Variants in ATP10D observed in about 807,000 individuals in gnomAD.
The protein encoded by ATP10D is ATPase phospholipid transporting 10D (putative), also known as phospholipid-transporting ATPase VD.
Under a neutral mutation model 144.8 loss-of-function variants are expected in ATP10D, and 89 were observed. The observed-to-expected ratio is 0.61, with a 90% CI of 0.52 to 0.73. The LOEUF (loss-of-function observed/expected upper bound fraction) is 0.73, where lower values mean the gene tolerates loss of function less well. Among genes scored for constraint, ATP10D ranks in the 30% least tolerant of loss-of-function variants. ATP10D has a pLI of 0.00. For missense variants in ATP10D, 1,603 were observed against 1,714.8 expected (o/e 0.93, Z 1.15); for synonymous variants, 571 against 615.1 (o/e 0.93, Z 1.06).
At chr4:47,588,650 G>A (rs1410376639) in intron 22 of ATP10D, among the ~76,000 whole-genome samples, 2 of 152,130 alleles carry the variant, frequency 1.3e-5, no homozygotes, top group African/African-American at 4.8e-5. Flanking sequence ...GCTGATGAAT[G>A]TCTCTTCCAG....
rs115208313 is a variant in ATP10D at position 47,578,737 on chromosome 4, C to G, written c.3568-1661C>G. Among the ~76,000 whole-genome samples the G allele has an allele frequency of 5.6e-3, 858 of 152,170 alleles. 10 individuals are homozygous for G. The highest frequency in any genetic ancestry group is 0.02 in the African/African-American group (816 of 41,502). ...CTGCTGAGATTTTATGGAAGAAAGGCAGGCAGAATATCCTTCATATCCAAT... is the reference window on the plus strand; with the variant it reads ...CTGCTGAGATTTTATGGAAGAAAGGGAGGCAGAATATCCTTCATATCCAAT... On this transcript the variant is annotated intron_variant, in intron 19 of 22. Transcript: ENST00000273859.
At chr4:47,580,585 A>C in intron 20 of ATP10D, 107 bp downstream of exon 20, 1 of 971,582 alleles carries the variant, frequency 1.0e-6, no homozygotes. Context: ...TCATATAATC[A>C]GGTTGATTAT....
In ATP10D at chr4:47,591,396, G is replaced by A; in HGVS notation, c.*15G>A. The stretch of plus-strand genomic sequence containing the variant: ...AAGAAAGCTAGATACCCTCCTTGGA[G>A]TTGCAAGTATTCTTTCAAGGTTGGA... On this transcript the variant is annotated 3_prime_UTR_variant, in exon 23 of 23. Coordinates refer to ENST00000273859, the MANE Select transcript of ATP10D (RefSeq NM_020453.4). The A allele has an allele frequency of 6.4e-7, 1 of 1,555,708 alleles. No homozygotes were observed. The highest frequency in any genetic ancestry group is 1.2e-5 in the South Asian group (1 of 82,572).
At chr4:47,573,355 G>A (rs866398695) in intron 18 of ATP10D, among the ~76,000 whole-genome samples, 5 of 152,176 alleles carry the variant, frequency 3.3e-5, no homozygotes, top group South Asian at 2.1e-4. Context: ...GTTTGCATCC[G>A]TTTTACTGGA....
In ATP10D at chr4:47,563,769, C is replaced by A. The variant is rs755816230; in HGVS notation, c.2853+4C>A. The stretch of plus-strand genomic sequence containing the variant: ...TATCCTCAATACCCAAAGTAAAGTG[C>A]GTATATTGAGATTAAATCTGTTCTT... On this transcript the variant is annotated splice_donor_region_variant and intron_variant, in intron 15 of 22. Transcript: ENST00000273859. The A allele has an allele frequency of 2.5e-6, 4 of 1,576,902 alleles. No individual in the cohort carries two copies. The South Asian group carries it at 3.5e-5, about 14-fold the overall frequency.
At chr4:47,589,270 C>T (rs1350421787) in intron 22 of ATP10D, among the ~76,000 whole-genome samples, 1 of 152,110 alleles carries the variant, frequency 6.6e-6, no homozygotes, top group Non-Finnish European at 1.5e-5. Context: ...GCCTTGAAAA[C>T]ATTGAGAGAA....
chr4:47,560,517 CAA>C (rs1007699335), intron 13 of ATP10D, among the ~76,000 whole-genome samples: 3 of 151,834 alleles, frequency 2.0e-5, no homozygotes, highest in Non-Finnish European at 4.4e-5. Context: ...AACAAACAAA[CAA>C]AAAAAACATC....
At chr4:47,536,233 T>C (rs978772013) in intron 7 of ATP10D, among the ~76,000 whole-genome samples, 200 bp downstream of exon 7, 2 of 152,040 alleles carry the variant, frequency 1.3e-5, no homozygotes, top group African/African-American at 2.4e-5. Flanking sequence ...GCCATAGTAC[T>C]GAAGAAACCT....
At chr4:47,564,145 G>T (rs1030073562) in intron 15 of ATP10D, among the ~76,000 whole-genome samples, 42 of 152,126 alleles carry the variant, frequency 2.8e-4, no homozygotes, top group Non-Finnish European at 4.7e-4. Flanking sequence ...GCCAGCTTTG[G>T]CCTCCCAAAG....
chr4:47,546,741 A>G lies in ATP10D; in HGVS notation c.1514A>G (p.His505Arg), dbSNP rs762862117. 6.2e-7 allele frequency: 1 copy of G among 1,614,182 alleles called. No individual in the cohort carries two copies. The highest frequency in any genetic ancestry group is 8.5e-7 in the Non-Finnish European group (1 of 1,180,006). Residue 505 changes from histidine to arginine, a missense_variant, in exon 10 of 23, where the codon CAT (histidine) becomes CGT (arginine). Transcript: ENST00000273859. ...AGAGCCCCCAGCTGCAGGACAGTTC[A>G]TAATGGGCCTTTGGGAAATAAGCCC... Reference protein sequence around the residue: ...KPRAPSCRTVHNGPLGNKPSN... With the variant: ...KPRAPSCRTVRNGPLGNKPSN...
intron 1 of ATP10D, among the ~76,000 whole-genome samples, chr4:47,488,480 C>T (rs991792114): frequency 2.0e-5 from 3 of 151,776 alleles, no homozygotes; most frequent in African/African-American, 7.3e-5. Flanking sequence ...AAAATGTATT[C>T]CTAGGTGGTA....
intron 1 of ATP10D, among the ~76,000 whole-genome samples, chr4:47,509,939 C>T (rs1000613685): frequency 8.9e-6 from 1 of 112,434 alleles, no homozygotes; most frequent in African/African-American, 3.7e-5. Context: ...ACTTTTGTTT[C>T]AGGGGTGTGT....
intron 7 of ATP10D, among the ~76,000 whole-genome samples, 167 bp downstream of exon 7, chr4:47,536,200 T>C (rs1003359939): frequency 2.6e-5 from 4 of 152,164 alleles, no homozygotes; most frequent in Admixed American, 1.3e-4. Flanking sequence ...AATATTAATA[T>C]TGACTCTATC....
intron 1 of ATP10D, among the ~76,000 whole-genome samples, chr4:47,490,216 C>T (rs1034774062): frequency 2.6e-5 from 4 of 152,256 alleles, no homozygotes; most frequent in Admixed American, 2.0e-4. Context: ...TATAACATCT[C>T]TTCTTCTTTA....
At chr4:47,582,261 A>G (rs1468725426) in intron 21 of ATP10D, among the ~76,000 whole-genome samples, 197 bp downstream of exon 21, 5 of 152,096 alleles carry the variant, frequency 3.3e-5, no homozygotes, top group Admixed American at 1.3e-4. Context: ...ATAGTGGAAA[A>G]CACCTGCCTT....
Position 47,563,738 on chromosome 4 carries a change from G to A in ATP10D, c.2826G>A (p.Lys942=). Reference sequence around the variant, plus strand: ...GCAAACTACTGGAGCCAGATGACAAGCTTTTTATCCTCAATACCCAAAGTA... The same window carrying A: ...GCAAACTACTGGAGCCAGATGACAAACTTTTTATCCTCAATACCCAAAGTA... ...YACKLLEPDD[K]LFILNTQSKD... Residue 942 remains lysine (K), a synonymous_variant, in exon 15 of 23, where the codon AAG becomes AAA. Transcript: ENST00000273859. 6.2e-7 allele frequency: 1 copy of A among 1,610,174 alleles called. No individual in the cohort carries two copies.
chr4:47,486,599 T>G (rs1714772744), intron 1 of ATP10D, among the ~76,000 whole-genome samples: 1 of 152,208 alleles, frequency 6.6e-6, no homozygotes, highest in African/African-American at 2.4e-5. Flanking sequence ...GTTTGTTCAG[T>G]GCCCGCAGCA....
intron 9 of ATP10D, among the ~76,000 whole-genome samples, chr4:47,544,918 C>T (rs762946942): frequency 6.6e-6 from 1 of 152,128 alleles, no homozygotes; most frequent in Non-Finnish European, 1.5e-5. Flanking sequence ...ACATAAGGCC[C>T]CTGCTCTCAT....
At chr4:47,536,071 CA>C in intron 7 of ATP10D, 38 bp downstream of exon 7, 1 of 1,582,282 alleles carries the variant, frequency 6.3e-7, no homozygotes. Flanking sequence ...ATCTTTTCAG[CA>C]AGATATTAAA....
Sources: allele counts gnomAD v4.1 joint callset (sites outside exome capture counted in the v4.1 genomes callset), GRCh38; gene constraint gnomAD v4.1.1; transcripts MANE v1.5; gene names NCBI Gene and HGNC (gene_info 2026-07-23, HGNC 2026-07-21).